SCNN1B: variants seen among roughly 807,000 people sequenced by gnomAD.
SCNN1B encodes the protein sodium channel epithelial 1 subunit beta, also known as epithelial sodium channel subunit beta.
A neutral mutation model predicts 65.3 loss-of-function variants in SCNN1B; 46 were observed. The ratio of observed to expected loss-of-function variants is 0.70; its 90% CI spans 0.56 to 0.90. SCNN1B has a LOEUF of 0.90. Among genes scored for constraint, SCNN1B ranks in the 40% least tolerant of loss-of-function variants. SCNN1B has a pLI of 0.00. For synonymous variants in SCNN1B, 349 were observed against 330.6 expected, an observed-to-expected ratio of 1.06 and a Z score of -0.60; for missense variants, 751 against 830.5, an observed-to-expected ratio of 0.90 and a Z score of 1.18.
chr16:23,314,277 C>G (rs764672115), intron 1 of SCNN1B, among the ~76,000 whole-genome samples: 1 of 152,206 alleles, frequency 6.6e-6, no homozygotes, highest in African/African-American at 2.4e-5. Flanking sequence ...ATCTTCTCAC[C>G]TTGGCCTCCC....
Position 23,348,256 on chromosome 16 carries a change from T to C in SCNN1B, c.-8-336T>C, listed in dbSNP as rs1044678419. 3.9e-5 allele frequency among the ~76,000 whole-genome samples: 6 copies of C among 151,962 alleles called. No individual in the cohort carries two copies. The highest frequency in any genetic ancestry group is 1.5e-4 in the African/African-American group (6 of 41,354). ...ACATTTTATGCACAGAGAACCTGAG[T>C]TGAGAGTTTAAGTCACTTGTTCACT... On this transcript the variant is annotated intron_variant, in intron 1 of 12. Coordinates refer to ENST00000343070, the MANE Select transcript of SCNN1B (RefSeq NM_000336.3). The surrounding 1 kb of genome is among the most constrained non-coding windows in gnomAD (Gnocchi z 4.5).
chr16:23,343,623 G>A lies in SCNN1B; in HGVS notation c.-8-4969G>A, dbSNP rs1469453303. On this transcript the variant is annotated intron_variant, in intron 1 of 12. Coordinates refer to ENST00000343070, the MANE Select transcript of SCNN1B (RefSeq NM_000336.3). ...AGAAAGAAAGAAAGAAAGAAAGAAA[G>A]AAAGAAAGAAAGAAAGAAAGAAAGA... 1.0e-3 allele frequency among the ~76,000 whole-genome samples: 114 copies of A among 110,944 alleles called. 1 individual carries two copies. The highest frequency in any genetic ancestry group is 2.0e-3 in the Admixed American group (22 of 10,918). 72.8% of individuals were successfully genotyped at this position (110,944 alleles called of 152,430 possible). A position where few individuals can be genotyped will look rare whatever the true frequency, so the allele number is the denominator to read the frequency against.
chr16:23,337,374 C>CTTT lies in SCNN1B; in HGVS notation c.-8-11204_-8-11202dup, dbSNP rs11455298. ...TGGCCAGGTTTCTTTCTCTTTCTTT[C>CTTT]TTTTTTTTTTTTTTTTGAGATGGAG... is the stretch of plus-strand genomic sequence containing the variant. On this transcript the variant is annotated intron_variant, in intron 1 of 12. Coordinates refer to ENST00000343070, the MANE Select transcript of SCNN1B (RefSeq NM_000336.3). Among the ~76,000 whole-genome samples, 1,080 of 134,084 alleles carry CTTT rather than the reference C, an allele frequency of 8.1e-3. 109 individuals carry two copies. In the South Asian group the frequency reaches 0.2, roughly 25 times the overall value. 88.0% of individuals were successfully genotyped at this position (134,084 alleles called of 152,430 possible). A position where few individuals can be genotyped will look rare whatever the true frequency, so the allele number is the denominator to read the frequency against.
At chr16:23,360,426 G>A (rs995275580) in intron 4 of SCNN1B, among the ~76,000 whole-genome samples, 3 of 151,746 alleles carry the variant, frequency 2.0e-5, no homozygotes, top group Admixed American at 6.6e-5. Flanking sequence ...GTACACACCT[G>A]TAGACTCAGC....
At position 23,376,259 on chromosome 16, in the gene SCNN1B, T is replaced by G. The variant is rs74012899; in HGVS notation, c.1270+404T>G. Among the ~76,000 whole-genome samples, 303 of 152,346 alleles carry G rather than the reference T, an allele frequency of 2.0e-3. 2 individuals are homozygous for G. The highest frequency in any genetic ancestry group is 6.9e-3 in the African/African-American group (285 of 41,578). ...CGTCCAAATGCACAGGAGCTGTTCGTGACTGCAGTGGGTTGCTGTATGTAG... is the reference window on the plus strand; with the variant it reads ...CGTCCAAATGCACAGGAGCTGTTCGGGACTGCAGTGGGTTGCTGTATGTAG... On this transcript the variant is annotated intron_variant, in intron 8 of 12. Transcript: ENST00000343070.
At chr16:23,304,172 C>G in intron 1 of SCNN1B, 1 of 1,203,358 alleles carries the variant, frequency 8.3e-7, no homozygotes, top group Non-Finnish European at 1.2e-6. Context: ...TTTCTTTATC[C>G]TAAACTAACT....
At chr16:23,319,489 C>T (rs939320377) in intron 1 of SCNN1B, among the ~76,000 whole-genome samples, 1 of 151,998 alleles carries the variant, frequency 6.6e-6, no homozygotes, top group African/African-American at 2.4e-5. Context: ...AAAAAAAAAT[C>T]ACATTTCATG....
intron 1 of SCNN1B, among the ~76,000 whole-genome samples, chr16:23,304,372 G>A (rs1034158816): frequency 6.6e-6 from 1 of 152,070 alleles, no homozygotes; most frequent in African/African-American, 2.4e-5. Context: ...ACACACACAG[G>A]TGTGTGCACA....
chr16:23,360,058 C>G (rs1962506641), intron 4 of SCNN1B, among the ~76,000 whole-genome samples: 2 of 151,928 alleles, frequency 1.3e-5, no homozygotes, highest in South Asian at 4.1e-4. Context: ...CAAAAATTAG[C>G]TGGGTGCAGT....
At chr16:23,353,375 T>A in intron 3 of SCNN1B, 1 of 454,814 alleles carries the variant, frequency 2.2e-6, no homozygotes, top group South Asian at 2.3e-5. Flanking sequence ...GGTATTCTAA[T>A]GAGGTCATCA....
rs372542226 is a variant in SCNN1B, at chr16:23,372,005, C to T, written c.1152+122C>T. On this transcript the variant is annotated intron_variant, in intron 7 of 12. Transcript: ENST00000343070. ...GGCTCTGCTGGGCCTTTGTAGGTTGCCACGGGGCACCCCGGGCCTGTGGGA... is the reference window on the plus strand; with the variant it reads ...GGCTCTGCTGGGCCTTTGTAGGTTGTCACGGGGCACCCCGGGCCTGTGGGA... 3.6e-5 allele frequency: 28 copies of T among 768,138 alleles called. No homozygotes were observed. The East Asian group carries it at 7.1e-4, about 19-fold the overall frequency. The allele number at this position is 768,138 out of a possible 1,614,324, so 47.6% of individuals were successfully genotyped here. A position where few individuals can be genotyped will look rare whatever the true frequency, so the allele number is the denominator to read the frequency against.
chr16:23,309,706 G>T (rs1356274630), intron 1 of SCNN1B, among the ~76,000 whole-genome samples: 1 of 152,220 alleles, frequency 6.6e-6, no homozygotes, highest in Non-Finnish European at 1.5e-5. Flanking sequence ...TGCCCACTCA[G>T]ATTAAGAGTG....
chr16:23,355,309 A>G lies in SCNN1B; in HGVS notation c.596A>G (p.Asn199Ser). The change falls in exon 4 of 13, where the codon AAC becomes AGC. Residue 199 changes from asparagine to serine, a missense_variant. Coordinates refer to ENST00000343070, the MANE Select transcript of SCNN1B (RefSeq NM_000336.3). ...CKMAMRLCSL[N>S]RTQCTFRNFT... ...TCTTGGCCTCCACAGTGTAGCCTCAACAGGACCCAGTGTACCTTCCGGAAC... is the reference window on the plus strand; with the variant it reads ...TCTTGGCCTCCACAGTGTAGCCTCAGCAGGACCCAGTGTACCTTCCGGAAC... 2 of 1,614,206 alleles carry G rather than the reference A, an allele frequency of 1.2e-6. No homozygotes were observed. The highest frequency in any genetic ancestry group is 8.5e-7 in the Non-Finnish European group (1 of 1,180,028).
In SCNN1B at chr16:23,354,169, A is replaced by T. The variant is rs539380672; in HGVS notation, c.585+1095A>T. ...ATCTGCTGTGGTCACACCTTCCTTAACCTCCTGGGCCTCAATTTCCTCATG... is the reference window on the plus strand; with the variant it reads ...ATCTGCTGTGGTCACACCTTCCTTATCCTCCTGGGCCTCAATTTCCTCATG... On this transcript the variant is annotated intron_variant, in intron 3 of 12. Coordinates refer to ENST00000343070, the MANE Select transcript of SCNN1B (RefSeq NM_000336.3). 3.3e-5 allele frequency among the ~76,000 whole-genome samples: 5 copies of T among 151,868 alleles called. No homozygotes were observed. The South Asian group carries it at 1.0e-3, about 32-fold the overall frequency.
intron 1 of SCNN1B, among the ~76,000 whole-genome samples, chr16:23,333,159 A>C (rs866918334): frequency 1.8e-5 from 2 of 109,916 alleles, no homozygotes; most frequent in African/African-American, 4.3e-5. Flanking sequence ...AGAAGGAAGG[A>C]AGGAAGGAAG....
chr16:23,365,557 G>A (rs1388219699), intron 4 of SCNN1B, among the ~76,000 whole-genome samples: 1 of 92,426 alleles, frequency 1.1e-5, no homozygotes, highest in African/African-American at 5.9e-5. Flanking sequence ...AAGAAGGAAA[G>A]AGAAAGAAAG....
At chr16:23,337,760 A>T (rs1300517431) in intron 1 of SCNN1B, among the ~76,000 whole-genome samples, 1 of 152,086 alleles carries the variant, frequency 6.6e-6, no homozygotes, top group African/African-American at 2.4e-5. Context: ...CCAGATGGTT[A>T]ATATTTAAAC....
intron 2 of SCNN1B, among the ~76,000 whole-genome samples, chr16:23,285,121 A>G (rs1960831929): frequency 6.6e-6 from 1 of 152,212 alleles, no homozygotes; most frequent in Admixed American, 6.5e-5. Context: ...GAGTTTGGTT[A>G]ATAGTAATGT....
chr16:23,378,394 G>T (rs112654688), intron 10 of SCNN1B, among the ~76,000 whole-genome samples: 18 of 152,346 alleles, frequency 1.2e-4, no homozygotes, highest in African/African-American at 3.4e-4. Flanking sequence ...GGCAGAGGCT[G>T]AGCCATCATG....
Sources: gnomAD v4.1 joint callset for allele counts (sites outside exome capture counted in the v4.1 genomes callset) on GRCh38, gnomAD v4.1.1 for gene constraint, Gnocchi (gnomAD v3.1) non-coding constraint, MANE v1.5 for transcripts, NCBI Gene and HGNC (gene_info 2026-07-23, HGNC 2026-07-21) for gene names.